Variants in TCF20 observed in about 807,000 individuals in gnomAD.
TCF20 encodes the protein SPRE-binding protein.
Under a neutral mutation model 148.6 loss-of-function variants are expected in TCF20, and 3 were observed. The ratio of observed to expected loss-of-function variants is 0.02; its 90% CI spans 0.01 to 0.05. The LOEUF (loss-of-function observed/expected upper bound fraction) is 0.05. Among genes scored for constraint, TCF20 ranks in the 10% least tolerant of loss-of-function variants. The pLI, the probability that TCF20 is intolerant of heterozygous loss-of-function variation, is 1.00. For synonymous variants in TCF20, 1,049 were observed against 909.5 expected (o/e 1.15, Z -2.76); for missense variants, 2,350 against 2,429.3 (o/e 0.97, Z 0.69).
chr22:42,210,263 C>T lies in TCF20; in HGVS notation c.5043G>A (p.Ala1681=), dbSNP rs763678858. Reference sequence around the variant, plus strand: ...GCAGCATAAAGGACGAGGCCGGGAGCGCCTTGCTTTCAGTGCTGCTAGGTG... The same window carrying T: ...GCAGCATAAAGGACGAGGCCGGGAGTGCCTTGCTTTCAGTGCTGCTAGGTG... ...TPPPSSTESK[A]LPASSFMLQG... Residue 1681 remains alanine, a synonymous_variant, in exon 2 of 6, where the codon GCG becomes GCA. Transcript: ENST00000677622. The surrounding 1 kb of genome is among the most constrained non-coding windows in gnomAD (Gnocchi z 4.7). The T allele has an allele frequency of 1.9e-5, 30 of 1,614,082 alleles. No homozygotes were observed. The highest frequency in any genetic ancestry group is 1.6e-4 in the Middle Eastern group (1 of 6,084).
intron 1 of TCF20, among the ~76,000 whole-genome samples, chr22:42,310,562 C>G (rs1218438107): frequency 1.3e-5 from 2 of 152,156 alleles, no homozygotes; most frequent in African/African-American, 4.8e-5. Flanking sequence ...ATGCAGAGAA[C>G]TTTCCAGGCA....
At chr22:42,337,561 T>G (rs896359324) in intron 1 of TCF20, among the ~76,000 whole-genome samples, 7 of 152,248 alleles carry the variant, frequency 4.6e-5, no homozygotes, top group Non-Finnish European at 2.9e-5. Flanking sequence ...GAGCTCTTAT[T>G]CATCCTGCAA....
chr22:42,272,828 C>T (rs1926672481), upstream of TCF20, among the ~76,000 whole-genome samples: 1 of 152,226 alleles, frequency 6.6e-6, no homozygotes, highest in African/African-American at 2.4e-5. Context: ...GGACAAGTCA[C>T]TTCCCCCTTT....
At chr22:42,181,630 C>T (rs772514075) in intron 2 of TCF20, among the ~76,000 whole-genome samples, 4 of 146,242 alleles carry the variant, frequency 2.7e-5, no homozygotes, top group Admixed American at 6.8e-5. Context: ...TATTTTGAGA[C>T]GATGTCTTGC....
chr22:42,271,276 CGAG>C (rs1027783743), upstream of TCF20, among the ~76,000 whole-genome samples: 8 of 152,226 alleles, frequency 5.3e-5, no homozygotes, highest in African/African-American at 1.9e-4. Flanking sequence ...GCGGAAAACG[CGAG>C]GAGGGAGGCC....
intron 2 of TCF20, among the ~76,000 whole-genome samples, chr22:42,198,697 T>G (rs1408796074): frequency 6.6e-6 from 1 of 151,612 alleles, no homozygotes; most frequent in African/African-American, 2.4e-5. Context: ...AGTCTCGCTG[T>G]GTCGCCCAGG....
At chr22:42,174,022 A>G (rs1398763045) in intron 3 of TCF20, among the ~76,000 whole-genome samples, 1 of 152,136 alleles carries the variant, frequency 6.6e-6, no homozygotes, top group Non-Finnish European at 1.5e-5. Context: ...CTCAGCTAAT[A>G]ATGAGGGTCC....
At chr22:42,291,169 A>G (rs1173999414) in intron 1 of TCF20, among the ~76,000 whole-genome samples, 1 of 152,218 alleles carries the variant, frequency 6.6e-6, no homozygotes, top group African/African-American at 2.4e-5. Flanking sequence ...CAAACTGTCC[A>G]ACAAACACAA....
chr22:42,216,051 G>T (rs1365171249), intron 1 of TCF20, among the ~76,000 whole-genome samples: 2 of 148,608 alleles, frequency 1.3e-5, no homozygotes, highest in East Asian at 3.9e-4. Flanking sequence ...ATGCGGGGGA[G>T]GGGGTGTGGG....
rs551001785 is a variant in TCF20, at chr22:42,160,632, G to T, written c.*771C>A. ...CATCTGCCAATTTCACCCCCAAAAA[G>T]AAAAAATTAAAAAAAAAAAACCATA... On this transcript the variant is annotated 3_prime_UTR_variant, in exon 6 of 6. Transcript: ENST00000677622. 7.1e-6 allele frequency: 1 copy of T among 140,694 alleles called. No individual in the cohort carries two copies. The highest frequency in any genetic ancestry group is 1.5e-5 in the Non-Finnish European group (1 of 65,962). 8.7% of individuals were successfully genotyped at this position (140,694 alleles called of 1,614,324 possible).
upstream of TCF20, among the ~76,000 whole-genome samples, chr22:42,270,842 A>AC (rs1328284670): frequency 5.5e-5 from 8 of 146,722 alleles, no homozygotes; most frequent in Admixed American, 1.3e-4. Context: ...GATCGCGAAG[A>AC]CCCCCACCTC....
intron 2 of TCF20, among the ~76,000 whole-genome samples, chr22:42,183,789 T>G: frequency 6.6e-6 from 1 of 151,926 alleles, no homozygotes. Context: ...TTTTTTTTTT[T>G]TTGATGGAGT....
At chr22:42,329,174 C>T (rs555454290) in intron 1 of TCF20, among the ~76,000 whole-genome samples, 12 of 152,314 alleles carry the variant, frequency 7.9e-5, no homozygotes, top group Admixed American at 2.6e-4. Context: ...CTCAGGCAGG[C>T]GGCAGCGCAG....
chr22:42,313,846 C>T (rs1273599097), intron 1 of TCF20, among the ~76,000 whole-genome samples: 3 of 152,164 alleles, frequency 2.0e-5, no homozygotes, highest in East Asian at 1.9e-4. Context: ...GTGATCTGCC[C>T]GCCTCGGCCT....
chr22:42,278,678 C>A (rs1044367164), intron 1 of TCF20: 1 of 152,234 alleles, frequency 6.6e-6, no homozygotes, highest in African/African-American at 2.4e-5. Context: ...TTCAAGAGGC[C>A]GACAACAGAG....
chr22:42,330,416 G>A (rs1008385799), intron 1 of TCF20, among the ~76,000 whole-genome samples: 51 of 152,012 alleles, frequency 3.4e-4, no homozygotes, highest in African/African-American at 1.2e-3. Context: ...TGTACACGCT[G>A]TTCCTCCTGC....
At chr22:42,176,381 G>C (rs553589969) in intron 3 of TCF20, among the ~76,000 whole-genome samples, 154 of 152,194 alleles carry the variant, frequency 1.0e-3, no homozygotes, top group South Asian at 5.4e-3. Context: ...GGAAGGAAGG[G>C]GGGGGCAGGA....
In TCF20 at chr22:42,297,477, C is replaced by A. The variant is rs1178576896; in HGVS notation, c.-37+46002G>T. Among the ~76,000 whole-genome samples, 1 of 152,212 alleles carries A rather than the reference C, an allele frequency of 6.6e-6. No individual in the cohort carries two copies. Among genetic ancestry groups the A allele is most frequent in the Non-Finnish European group, 1.5e-5 (1 of 68,026 alleles). On this transcript the variant is annotated intron_variant, in intron 1 of 1. Transcript: ENST00000515426. The surrounding 1 kb of genome is among the most constrained non-coding windows in gnomAD (Gnocchi z 4.3). ...AGAGCCCCTCCCAACCTTCTCCCAT[C>A]CCCCACTGCCTCCTGAGCACCCTCC...
chr22:42,166,192 ATCC>A (rs1484513316), intron 5 of TCF20, among the ~76,000 whole-genome samples: 1 of 152,210 alleles, frequency 6.6e-6, no homozygotes, highest in Admixed American at 6.5e-5. Context: ...CAGTGAGTCC[ATCC>A]TCTCCCTCCA....
Sources: allele counts gnomAD v4.1 joint callset (sites outside exome capture counted in the v4.1 genomes callset), GRCh38; gene constraint gnomAD v4.1.1; non-coding constraint Gnocchi (gnomAD v3.1); transcripts MANE v1.5; gene names NCBI Gene and HGNC (gene_info 2026-07-23, HGNC 2026-07-21).